NAV2: variants seen among roughly 807,000 people sequenced by gnomAD.
NAV2 encodes helicase, APC down-regulated 1.
A neutral mutation model predicts 223.2 loss-of-function variants in NAV2; 54 were observed. The ratio of observed to expected loss-of-function variants is 0.24; its 90% confidence interval spans 0.19 to 0.30. The LOEUF is 0.30. Ranked by LOEUF, NAV2 falls within the 10% of genes least tolerant of loss-of-function variation. NAV2 has a pLI of 1.00. For synonymous variants in NAV2, 1,279 were observed against 1,239.3 expected (o/e 1.03, Z -0.67); for missense variants, 2,806 against 3,147.5 (o/e 0.89, Z 2.60).
Position 20,100,920 on chromosome 11 carries a change from GTC to G in NAV2, c.6182-10_6182-9del, listed in dbSNP as rs773780176. 2.5e-6 allele frequency: 4 copies of G among 1,608,878 alleles called. No homozygotes were observed. The highest frequency in any genetic ancestry group is 2.2e-5 in the South Asian group (2 of 90,942). On this transcript the variant is annotated splice_polypyrimidine_tract_variant and intron_variant, in intron 31 of 37. Coordinates refer to ENST00000349880, the MANE Select transcript of NAV2 (RefSeq NM_145117.5). ...TTCTACAGGGCTTCAGATGATTCCT[GTC>G]TCTCTCAAATGCAGGGCTCGCAGAA... is the stretch of plus-strand genomic sequence containing the variant.
chr11:19,755,838 AT>A (rs1364223217), intron 1 of NAV2, among the ~76,000 whole-genome samples: 1 of 152,214 alleles, frequency 6.6e-6, no homozygotes, highest in African/African-American at 2.4e-5. Flanking sequence ...CAAATACGAT[AT>A]GGAGTTTTAT....
chr11:19,987,694 G>A (rs573190497), intron 11 of NAV2, among the ~76,000 whole-genome samples: 1 of 152,314 alleles, frequency 6.6e-6, no homozygotes, highest in East Asian at 1.9e-4. Context: ...AGTCTGGTAT[G>A]TTACCAGCCA....
At chr11:19,795,326 T>G (rs1405115776) in intron 1 of NAV2, among the ~76,000 whole-genome samples, 3 of 152,246 alleles carry the variant, frequency 2.0e-5, no homozygotes, top group Non-Finnish European at 4.4e-5. Context: ...TCACCCAAGC[T>G]TATCATTCTC....
At chr11:19,872,771 G>A (rs1002682805) in intron 4 of NAV2, among the ~76,000 whole-genome samples, 4 of 152,232 alleles carry the variant, frequency 2.6e-5, no homozygotes, top group Admixed American at 6.5e-5. Flanking sequence ...CACAGACGGC[G>A]GATGCTTGGG....
At chr11:20,058,401 G>A (rs760834105) in intron 19 of NAV2, among the ~76,000 whole-genome samples, 17 of 152,186 alleles carry the variant, frequency 1.1e-4, no homozygotes, top group Non-Finnish European at 2.5e-4. Flanking sequence ...GCCTTTCAAA[G>A]GTGTTTCAGG....
intron 1 of NAV2, among the ~76,000 whole-genome samples, chr11:19,411,336 G>A (rs1396936822): frequency 1.3e-5 from 2 of 152,126 alleles, no homozygotes; most frequent in African/African-American, 4.8e-5. Context: ...TAAGTACACA[G>A]ACTATGTTCT....
chr11:19,778,496 A>G (rs375998477), intron 1 of NAV2: 28 of 263,198 alleles, frequency 1.1e-4, no homozygotes, highest in Middle Eastern at 8.2e-4. Context: ...GATGCTACCA[A>G]AAACAAAAAC....
chr11:19,601,564 C>T (rs1211429233), intron 1 of NAV2, among the ~76,000 whole-genome samples: 1 of 152,028 alleles, frequency 6.6e-6, no homozygotes, highest in Non-Finnish European at 1.5e-5. Context: ...GACATGGTAC[C>T]CCATCTGGTA....
chr11:19,625,302 T>C (rs1227732431), intron 1 of NAV2, among the ~76,000 whole-genome samples: 1 of 152,232 alleles, frequency 6.6e-6, no homozygotes, highest in Non-Finnish European at 1.5e-5. Context: ...TTCTACATAT[T>C]AGTGAGAAAA....
intron 1 of NAV2, among the ~76,000 whole-genome samples, chr11:19,492,440 C>A (rs1243347127): frequency 6.6e-6 from 1 of 152,064 alleles, no homozygotes; most frequent in Admixed American, 6.5e-5. Flanking sequence ...AGGGAGCACA[C>A]TTTCTTCGTC....
intron 6 of NAV2, chr11:19,931,737 C>T (rs184951135): frequency 5.3e-5 from 8 of 152,304 alleles, no homozygotes; most frequent in Non-Finnish European, 8.8e-5. Flanking sequence ...GCAGCCTCTC[C>T]GGTTGGAGGA....
chr11:19,678,163 A>G (rs538586539), intron 1 of NAV2, among the ~76,000 whole-genome samples: 36 of 152,316 alleles, frequency 2.4e-4, no homozygotes, highest in Non-Finnish European at 7.3e-5. Flanking sequence ...AGAGCGCCCA[A>G]GATAATAAGG....
chr11:19,379,732 C>T (rs1332276776), intron 1 of NAV2, among the ~76,000 whole-genome samples: 1 of 152,192 alleles, frequency 6.6e-6, no homozygotes, highest in African/African-American at 2.4e-5. Context: ...TCACGTCAGA[C>T]TGCCTGCTTT....
chr11:19,513,731 A>G (rs929641141), intron 1 of NAV2, among the ~76,000 whole-genome samples: 2 of 152,206 alleles, frequency 1.3e-5, no homozygotes, highest in Non-Finnish European at 1.5e-5. Flanking sequence ...GTCATCACAG[A>G]TGTAATTAGT....
intron 1 of NAV2, among the ~76,000 whole-genome samples, chr11:19,605,068 C>T (rs1409382248): frequency 6.6e-6 from 1 of 152,210 alleles, no homozygotes; most frequent in Non-Finnish European, 1.5e-5. Context: ...CATTGGTTAA[C>T]TTACCCAAGG....
intron 1 of NAV2, among the ~76,000 whole-genome samples, chr11:19,588,467 A>G (rs941089538): frequency 2.0e-5 from 3 of 152,090 alleles, no homozygotes; most frequent in African/African-American, 7.2e-5. Flanking sequence ...TCTGACGGCA[A>G]GCATGCTGTG....
chr11:19,857,706 G>A (rs553615337), intron 3 of NAV2, among the ~76,000 whole-genome samples: 2 of 152,150 alleles, frequency 1.3e-5, no homozygotes, highest in Non-Finnish European at 2.9e-5. Flanking sequence ...CTCTTCTGTG[G>A]GTAAAACCAA....
At chr11:19,776,632 A>ATGTGTGTG (rs71050685) in intron 1 of NAV2, among the ~76,000 whole-genome samples, 6,374 of 64,566 alleles carry the variant, frequency 0.099, 660 homozygotes, top group Non-Finnish European at 0.11. Context: ...GGGTCAGAAA[A>ATGTGTGTG]TGTGTGTGTG....
At chr11:20,025,065 A>G (rs375680480) in intron 11 of NAV2, among the ~76,000 whole-genome samples, 22 of 152,288 alleles carry the variant, frequency 1.4e-4, no homozygotes, top group African/African-American at 5.3e-4. Flanking sequence ...ATGTGATTTT[A>G]AAAAGCTTGG....
Sources: gnomAD v4.1 joint callset for allele counts (sites outside exome capture counted in the v4.1 genomes callset) on GRCh38, gnomAD v4.1.1 for gene constraint, MANE v1.5 for transcripts, NCBI Gene and HGNC (gene_info 2026-07-23, HGNC 2026-07-21) for gene names.